MAP3K15: variants seen among roughly 807,000 people sequenced by gnomAD.
MAP3K15 encodes MAPK/ERK kinase kinase 15.
A neutral mutation model predicts 99.5 loss-of-function variants in MAP3K15; 124 were observed. The observed-to-expected ratio is 1.25, with a 90% CI of 1.08 to 1.45. The LOEUF (loss-of-function observed/expected upper bound fraction) is 1.45, where lower values mean the gene tolerates loss of function less well. MAP3K15 is among the 40% of genes most tolerant of loss of function. The probability of loss-of-function intolerance (pLI) is 0.00; values close to 1 mark genes in which losing one functional copy is unlikely to be tolerated. For synonymous variants in MAP3K15, 494 were observed against 439.6 expected, an observed-to-expected ratio of 1.12 and a Z score of -1.55; for missense variants, 1,242 against 1,079.7, an observed-to-expected ratio of 1.15 and a Z score of -2.11.
At chrX:19,457,438 C>G (rs755942868) in intron 5 of MAP3K15, among the ~76,000 whole-genome samples, 2 of 110,880 alleles carry the variant, frequency 1.8e-5, no homozygotes, top group East Asian at 5.7e-4. Flanking sequence ...ATGGTGAAAC[C>G]CTGTCTCTAC....
intron 1 of MAP3K15, among the ~76,000 whole-genome samples, chrX:19,504,748 G>T (rs1228625559): frequency 9.0e-6 from 1 of 111,046 alleles, no homozygotes; most frequent in Non-Finnish European, 1.9e-5. Flanking sequence ...TGGATCGCTT[G>T]AGCCCAGGAG....
rs181094954 is a variant in MAP3K15, at chrX:19,403,244, A to T, written c.1845-2581T>A. 2.8e-3 allele frequency among the ~76,000 whole-genome samples: 309 copies of T among 111,127 alleles called. 1 individual carries two copies. The highest frequency in any genetic ancestry group is 9.5e-3 in the African/African-American group (290 of 30,602). ...TTTATACGTTACACATCAATAAAAA[A>T]ATTATTAAAATGTATTTTTAAAAAA... On this transcript the variant is annotated intron_variant, in intron 13 of 28. Transcript: ENST00000338883.
At chrX:19,406,293 T>A (rs1569213134) in intron 13 of MAP3K15, among the ~76,000 whole-genome samples, 1 of 112,560 alleles carries the variant, frequency 8.9e-6, no homozygotes, top group Non-Finnish European at 1.9e-5. Flanking sequence ...GGAAGTACAA[T>A]TCATAATTGT....
intron 14 of MAP3K15, among the ~76,000 whole-genome samples, chrX:19,399,615 T>C (rs894748768): frequency 1.2e-4 from 13 of 108,582 alleles, no homozygotes; most frequent in African/African-American, 4.4e-4. Context: ...GTGCCTGTAG[T>C]CCCAGCTACA....
At chrX:19,503,952 C>CA (rs11364528) in intron 1 of MAP3K15, among the ~76,000 whole-genome samples, 2 of 105,364 alleles carry the variant, frequency 1.9e-5, no homozygotes, top group East Asian at 3.1e-4. Flanking sequence ...CCCATCTCTA[C>CA]AAAAAAAAGT....
At chrX:19,393,934 G>A (rs192902288) in intron 16 of MAP3K15, among the ~76,000 whole-genome samples, 152 of 108,333 alleles carry the variant, frequency 1.4e-3, no homozygotes, top group Non-Finnish European at 2.3e-3. Flanking sequence ...CACCACACCT[G>A]GCTAATTTTT....
rs1438394829 is a variant in MAP3K15 at position 19,372,707 on chromosome X, G to A, written c.3054C>T (p.Ile1018=). 8.3e-7 allele frequency: 1 copy of A among 1,211,725 alleles called. No individual in the cohort carries two copies. The highest frequency in any genetic ancestry group is 1.8e-5 in the South Asian group (1 of 56,994). ...CCACCTGGTTCTGCTCCTCCCAGAG[G>A]ATTTTGTACAGGATGGCACGGCGCT... ...DSERRAILYK[I]LWEEQNQVAS... Residue 1018 remains isoleucine, a synonymous_variant, in exon 22 of 29, where the codon ATC becomes ATT. Coordinates refer to ENST00000338883, the MANE Select transcript of MAP3K15 (RefSeq NM_001001671.4).
Position 19,361,331 on chromosome X carries a change from G to T in MAP3K15, c.3857+8C>A, listed in dbSNP as rs749254470. 7 of 1,187,560 alleles carry T rather than the reference G, an allele frequency of 5.9e-6. No homozygotes were observed. Among genetic ancestry groups the T allele is most frequent in the Middle Eastern group, 2.8e-4 (1 of 3,603 alleles). On this transcript the variant is annotated splice_region_variant and intron_variant, in intron 28 of 28. Coordinates refer to ENST00000338883, the MANE Select transcript of MAP3K15 (RefSeq NM_001001671.4). The stretch of plus-strand genomic sequence containing the variant: ...ATTCTCTTATACAAACTGTTTTGAG[G>T]CTCTTACCGTAGTCGAAGGTATCTT...
Position 19,488,972 on chromosome X carries a change from A to C in MAP3K15, c.362-5T>G, listed in dbSNP as rs1237004602. ...TCATGTCTACCACAGCAACATCTGC[A>C]ATGAACAAGGAGAGGACAGGATTAG... On this transcript the variant is annotated splice_polypyrimidine_tract_variant and splice_region_variant and intron_variant, in intron 1 of 28. Coordinates refer to ENST00000338883, the MANE Select transcript of MAP3K15 (RefSeq NM_001001671.4). 1.7e-6 allele frequency: 2 copies of C among 1,195,128 alleles called. No homozygotes were observed. The highest frequency in any genetic ancestry group is 2.2e-6 in the Non-Finnish European group (2 of 892,935).
chrX:19,453,450 A>G (rs967814691), intron 6 of MAP3K15, among the ~76,000 whole-genome samples: 7 of 108,747 alleles, frequency 6.4e-5, no homozygotes, highest in African/African-American at 2.4e-4. Context: ...CAGTGAGCCA[A>G]GATTACGCCA....
Position 19,392,390 on chromosome X carries a change from C to T in MAP3K15, c.2278G>A (p.Gly760Ser), listed in dbSNP as rs371775065. ...IKFYTKQILE[G>S]LKYLHENQIV... ...TGGTTTTCATGAAGATACTTAAGGC[C>T]CTCCAGGATCTGTTTGGTGTAAAAC... The change falls in exon 17 of 29, where the codon GGC becomes AGC. Residue 760 changes from glycine (G) to serine (S), a missense_variant. Gly to Ser is a moderately conservative substitution (Grantham distance 56). Coordinates refer to ENST00000338883, the MANE Select transcript of MAP3K15 (RefSeq NM_001001671.4). 4.1e-6 allele frequency: 5 copies of T among 1,207,999 alleles called. No individual in the cohort carries two copies. In the Middle Eastern group the frequency reaches 6.9e-4, roughly 166 times the overall value.
At chrX:19,474,818 G>A (rs981752711) in intron 3 of MAP3K15, among the ~76,000 whole-genome samples, 79 of 111,023 alleles carry the variant, frequency 7.1e-4, no homozygotes, top group African/African-American at 2.5e-3. Context: ...CATTATTTAA[G>A]ACATTAGTAA....
intron 18 of MAP3K15, among the ~76,000 whole-genome samples, chrX:19,388,161 C>CTT (rs200620814): frequency 1.8e-5 from 2 of 110,725 alleles, no homozygotes; most frequent in African/African-American, 6.6e-5. Flanking sequence ...CAGCCTGAAT[C>CTT]TTTTTTTTTG....
chrX:19,479,624 C>G (rs2064275370), intron 3 of MAP3K15, among the ~76,000 whole-genome samples: 1 of 112,205 alleles, frequency 8.9e-6, no homozygotes, highest in African/African-American at 3.2e-5. Context: ...ACAAATGAAG[C>G]TACGCAATGC....
intron 6 of MAP3K15, among the ~76,000 whole-genome samples, chrX:19,446,454 G>A (rs141332003): frequency 0.011 from 1,230 of 111,779 alleles, 17 homozygotes; most frequent in African/African-American, 0.039. Flanking sequence ...TAAGGTCTAG[G>A]TCTAGGAAAG....
intron 1 of MAP3K15, among the ~76,000 whole-genome samples, chrX:19,491,750 C>T (rs186723597): frequency 4.4e-4 from 48 of 109,597 alleles, no homozygotes; most frequent in African/African-American, 1.6e-3. Context: ...TGGGTACGAT[C>T]TCGGCTCACT....
intron 6 of MAP3K15, among the ~76,000 whole-genome samples, chrX:19,447,419 A>T (rs1223685461): frequency 2.1e-3 from 230 of 111,975 alleles, no homozygotes; most frequent in Non-Finnish European, 3.7e-3. Flanking sequence ...GCTGTGATAT[A>T]CTACAAAGTG....
chrX:19,371,660 T>C, intron 22 of MAP3K15, 130 bp from the exon 23 acceptor site: 1 of 584,712 alleles, frequency 1.7e-6, no homozygotes, highest in Non-Finnish European at 2.6e-6. Context: ...GGGGTCTCTG[T>C]TTGTTCCCTC....
At chrX:19,446,968 C>T (rs2064002786) in intron 6 of MAP3K15, among the ~76,000 whole-genome samples, 1 of 111,260 alleles carries the variant, frequency 9.0e-6, no homozygotes, top group East Asian at 2.8e-4. Context: ...CAGGCTGGAA[C>T]GCAGTGGTAC....
Sources: gnomAD v4.1 joint callset for allele counts (sites outside exome capture counted in the v4.1 genomes callset) on GRCh38, gnomAD v4.1.1 for gene constraint, MANE v1.5 for transcripts, NCBI Gene and HGNC (gene_info 2026-07-23, HGNC 2026-07-21) for gene names.